Variants in FAM117A observed in about 807,000 individuals in gnomAD.
FAM117A encodes family with sequence similarity 117 member A, also known as protein FAM117A.
A neutral mutation model predicts 44.1 loss-of-function variants in FAM117A; 21 were observed. The ratio of observed to expected loss-of-function variants is 0.48; its 90% CI spans 0.34 to 0.69. The LOEUF is 0.69. Ranked by LOEUF, FAM117A falls within the 30% of genes least tolerant of loss-of-function variation. The pLI, the probability that FAM117A is intolerant of heterozygous loss-of-function variation, is 0.01. For missense variants in FAM117A, 498 were observed against 589.9 expected, an observed-to-expected ratio of 0.84 and a Z score of 1.61; for synonymous variants, 220 against 238.3, an observed-to-expected ratio of 0.92 and a Z score of 0.71.
At position 49,719,760 on chromosome 17, in the gene FAM117A, C is replaced by A; in HGVS notation, c.708G>T (p.Arg236Ser). ...VKEQGEEELL[R>S]ILDIPDGHRA... ...CACTCAGGGTGCAGCCGCCACTCACCCTCAGCAGCTCCTCTTCTCCCTGCT... is the reference window on the plus strand; with the variant it reads ...CACTCAGGGTGCAGCCGCCACTCACACTCAGCAGCTCCTCTTCTCCCTGCT... Residue 236 changes from arginine (R) to serine (S), a missense_variant and splice_region_variant, in exon 5 of 8, where the codon AGG becomes AGT. Around this residue, in one of 3 missense-constraint regions of FAM117A, gnomAD observed 224 missense variants for 296.5 expected, o/e 0.76. Transcript: ENST00000240364. 1 of 1,575,232 alleles carries A rather than the reference C, an allele frequency of 6.3e-7. No homozygotes were observed.
At chr17:49,745,032 A>C (rs569413518) in intron 1 of FAM117A, among the ~76,000 whole-genome samples, 6,705 of 146,306 alleles carry the variant, frequency 0.046, 194 homozygotes, top group Middle Eastern at 0.077. Context: ...AAAAAAAAAA[A>C]ACACACACAC....
chr17:49,789,050 G>C, upstream of FAM117A: 1 of 431,920 alleles, frequency 2.3e-6, no homozygotes, highest in East Asian at 3.6e-5. Context: ...AACTATTCCC[G>C]CCCTCTGCTT....
At chr17:49,762,348 C>T (rs1461382740) in intron 1 of FAM117A, among the ~76,000 whole-genome samples, 2 of 152,210 alleles carry the variant, frequency 1.3e-5, no homozygotes, top group African/African-American at 4.8e-5. Flanking sequence ...TGCTTTATAA[C>T]TCATGATAGG....
rs542462061 is a variant in FAM117A, at chr17:49,711,246, G to A, written c.*9C>T. 6.3e-7 allele frequency: 1 copy of A among 1,588,724 alleles called. No individual in the cohort carries two copies. The highest frequency in any genetic ancestry group is 8.6e-7 in the Non-Finnish European group (1 of 1,166,234). ...GTCTCTATGGTAAAGTGGGGCAGGG[G>A]TGGGACCCTCAGACCATCAGGGAGC... On this transcript the variant is annotated 3_prime_UTR_variant, in exon 8 of 8. Transcript: ENST00000240364.
At chr17:49,738,138 T>C (rs1053019961) in intron 1 of FAM117A, among the ~76,000 whole-genome samples, 2 of 152,214 alleles carry the variant, frequency 1.3e-5, no homozygotes, top group Non-Finnish European at 2.9e-5. Flanking sequence ...ACCCATTTTA[T>C]ATTGGTTTCC....
rs561409319 is a variant in FAM117A, at chr17:49,756,491, T to C, written c.196+7401A>G. Among the ~76,000 whole-genome samples the C allele has an allele frequency of 2.0e-5, 3 of 151,514 alleles. No individual in the cohort carries two copies. The East Asian group carries it at 5.8e-4, about 29-fold the overall frequency. ...GAAAAGTGATCCTTCATTTACAAGA[T>C]AGAGAGTTCAGAGTCAGAAAGGAGG... On this transcript the variant is annotated intron_variant, in intron 1 of 7. Transcript: ENST00000240364.
chr17:49,720,174 T>G, intron 4 of FAM117A, 152 bp downstream of exon 4: 2 of 693,736 alleles, frequency 2.9e-6, no homozygotes, highest in Non-Finnish European at 4.7e-6. Flanking sequence ...CCTTCCAATA[T>G]CACACAGCAA....
chr17:49,772,513 A>G (rs2073764043), intron 1 of FAM117A, among the ~76,000 whole-genome samples: 1 of 152,100 alleles, frequency 6.6e-6, no homozygotes, highest in Non-Finnish European at 1.5e-5. Flanking sequence ...GCACTTTGGG[A>G]GGCTGAGGCG....
intron 7 of FAM117A, among the ~76,000 whole-genome samples, chr17:49,715,416 A>G (rs766257448): frequency 7.0e-4 from 106 of 152,192 alleles, no homozygotes; most frequent in Admixed American, 8.5e-4. Context: ...TGAAACCCCA[A>G]CTTGGTGTGA....
intron 1 of FAM117A, among the ~76,000 whole-genome samples, chr17:49,749,063 C>A (rs527679826): frequency 6.6e-6 from 1 of 152,260 alleles, no homozygotes; most frequent in African/African-American, 2.4e-5. Context: ...CTACTTGATA[C>A]AATGTGCTGC....
intron 3 of FAM117A, 27 bp from the exon 4 acceptor site, chr17:49,720,463 A>G: frequency 6.3e-7 from 1 of 1,595,948 alleles, no homozygotes; most frequent in African/African-American, 1.3e-5. Flanking sequence ...AAGACGACAG[A>G]GGCAGATTAA....
chr17:49,742,143 C>T (rs1485611436), intron 1 of FAM117A, among the ~76,000 whole-genome samples: 2 of 152,090 alleles, frequency 1.3e-5, no homozygotes, highest in Non-Finnish European at 2.9e-5. Context: ...AAAAAAGGAG[C>T]GACGATATTT....
intron 1 of FAM117A, among the ~76,000 whole-genome samples, chr17:49,748,463 C>T (rs974057938): frequency 2.0e-5 from 3 of 152,232 alleles, no homozygotes; most frequent in South Asian, 2.1e-4. Context: ...CGGAAACTTA[C>T]GTTAGAGGAG....
intron 1 of FAM117A, among the ~76,000 whole-genome samples, chr17:49,738,283 C>T (rs527353037): frequency 1.3e-5 from 2 of 152,320 alleles, no homozygotes; most frequent in East Asian, 3.9e-4. Flanking sequence ...ATCCAACCAA[C>T]GCATTTTGGT....
intron 1 of FAM117A, among the ~76,000 whole-genome samples, chr17:49,733,993 A>C (rs1020449806): frequency 1.3e-4 from 19 of 151,690 alleles, no homozygotes; most frequent in Admixed American, 4.6e-4. Flanking sequence ...ATACAAAAAA[A>C]TTAGCCAGGC....
upstream of FAM117A, chr17:49,789,023 C>T: frequency 3.9e-6 from 2 of 507,458 alleles, no homozygotes; most frequent in Non-Finnish European, 6.8e-6. Context: ...CCGACCCTGG[C>T]CTCGGCCTAT....
At chr17:49,772,165 T>G (rs1436048373) in intron 1 of FAM117A, among the ~76,000 whole-genome samples, 2 of 151,734 alleles carry the variant, frequency 1.3e-5, no homozygotes, top group Non-Finnish European at 2.9e-5. Flanking sequence ...TGGTGGGGCA[T>G]ACCTGTAGTC....
At chr17:49,764,680 T>C (rs530397434), upstream of FAM117A, among the ~76,000 whole-genome samples, 1 of 152,346 alleles carries the variant, frequency 6.6e-6, no homozygotes, top group South Asian at 2.1e-4. Flanking sequence ...ATCTCAGTGC[T>C]ACTTACAAGC....
chr17:49,779,119 C>G (rs1003798758), intron 1 of FAM117A, among the ~76,000 whole-genome samples: 1 of 152,124 alleles, frequency 6.6e-6, no homozygotes, highest in Non-Finnish European at 1.5e-5. Context: ...AGTGAAGCTG[C>G]GGCACTGAGA....
Sources: allele counts gnomAD v4.1 joint callset (sites outside exome capture counted in the v4.1 genomes callset), GRCh38; gene constraint gnomAD v4.1.1; regional missense constraint gnomAD v4.1.1; transcripts MANE v1.5; gene names NCBI Gene and HGNC (gene_info 2026-07-23, HGNC 2026-07-21).